Variants in FNDC3A observed in about 807,000 individuals in gnomAD.
FNDC3A encodes fibronectin type III domain containing 3A.
Under a neutral mutation model 148.9 loss-of-function variants are expected in FNDC3A, and 32 were observed. The observed-to-expected ratio is 0.21, with a 90% CI of 0.16 to 0.29. The LOEUF is 0.29. FNDC3A is among the 10% of genes least tolerant of loss of function. The pLI is 1.00. For missense variants in FNDC3A, 1,191 were observed against 1,452.8 expected, an observed-to-expected ratio of 0.82 and a Z score of 2.93; for synonymous variants, 472 against 473.6, an observed-to-expected ratio of 1.00 and a Z score of 0.04.
chr13:49,181,807 G>A (rs1490778271), intron 14 of FNDC3A, among the ~76,000 whole-genome samples: 1 of 151,780 alleles, frequency 6.6e-6, no homozygotes, highest in East Asian at 1.9e-4. Flanking sequence ...TTATTCTGAA[G>A]AAACAATAAG....
chr13:49,202,245 T>C (rs1886451583), intron 24 of FNDC3A, among the ~76,000 whole-genome samples: 1 of 152,202 alleles, frequency 6.6e-6, no homozygotes, highest in Non-Finnish European at 1.5e-5. Flanking sequence ...GCTGGTTTTC[T>C]AATGAGGTCA....
At chr13:49,161,684 C>G (rs541542718) in intron 8 of FNDC3A, among the ~76,000 whole-genome samples, 1 of 152,272 alleles carries the variant, frequency 6.6e-6, no homozygotes, top group East Asian at 1.9e-4. Flanking sequence ...TTAGTTGATG[C>G]AGTTTCTTCC....
intron 3 of FNDC3A, among the ~76,000 whole-genome samples, chr13:49,081,479 T>A (rs569073894): frequency 6.6e-6 from 1 of 152,362 alleles, no homozygotes; most frequent in Non-Finnish European, 1.5e-5. Flanking sequence ...TCAGTCAGAT[T>A]ATATTCAGTA....
rs1882371884 is a variant in FNDC3A at position 49,136,523 on chromosome 13, G to T, written c.682G>T (p.Gly228Cys). ...HNGLIKGQIA[G>C]GINTGSAKIK... The stretch of plus-strand genomic sequence containing the variant: ...TGGACTTATAAAAGGACAAATTGCT[G>T]GTGGTATAAACACAGGATCAGCAAA... The change falls in exon 6 of 26, where the codon GGT becomes TGT. Residue 228 changes from glycine (G) to cysteine (C), a missense_variant. Coordinates refer to ENST00000492622, the MANE Select transcript of FNDC3A (RefSeq NM_001079673.2). 6.2e-7 allele frequency: 1 copy of T among 1,613,930 alleles called. No individual in the cohort carries two copies. Among genetic ancestry groups the T allele is most frequent in the African/African-American group, 1.3e-5 (1 of 74,894 alleles).
At chr13:48,976,582 T>G (rs1056509547) in intron 1 of FNDC3A, 16 of 151,838 alleles carry the variant, frequency 1.1e-4, no homozygotes, top group African/African-American at 2.7e-4. Context: ...TCCGGAGGGC[T>G]CGGGGGCGGG....
At chr13:49,073,289 A>C (rs924211710) in intron 2 of FNDC3A, among the ~76,000 whole-genome samples, 2 of 152,204 alleles carry the variant, frequency 1.3e-5, no homozygotes, top group Non-Finnish European at 2.9e-5. Flanking sequence ...CAAATCATTA[A>C]AAACACTTAA....
chr13:49,028,653 C>G (rs1014030849), intron 2 of FNDC3A, among the ~76,000 whole-genome samples: 2 of 152,136 alleles, frequency 1.3e-5, no homozygotes, highest in African/African-American at 4.8e-5. Context: ...GACTTTAAGT[C>G]AGAAAAGTTA....
chr13:49,094,693 G>A (rs1008595850), intron 3 of FNDC3A, among the ~76,000 whole-genome samples: 1 of 151,976 alleles, frequency 6.6e-6, no homozygotes, highest in African/African-American at 2.4e-5. Flanking sequence ...GAGAAGTGTT[G>A]TGATTGAAAA....
In FNDC3A at chr13:49,208,823, G is replaced by T. The variant is rs1886769128; in HGVS notation, c.*1428G>T. 1 of 152,522 alleles carries T rather than the reference G, an allele frequency of 6.6e-6. No homozygotes were observed. The highest frequency in any genetic ancestry group is 1.5e-5 in the Non-Finnish European group (1 of 68,004). The allele number at this position is 152,522 out of a possible 1,614,324, so 9.4% of individuals were successfully genotyped here. A position where few individuals can be genotyped will look rare whatever the true frequency, so the allele number is the denominator to read the frequency against. ...GAATCACTAATTTTTAGTTGCTGAGGTTGGCATTTTAGTGATTATTAAGCA... is the reference window on the plus strand; with the variant it reads ...GAATCACTAATTTTTAGTTGCTGAGTTTGGCATTTTAGTGATTATTAAGCA... On this transcript the variant is annotated 3_prime_UTR_variant, in exon 26 of 26. Coordinates refer to ENST00000492622, the MANE Select transcript of FNDC3A (RefSeq NM_001079673.2).
chr13:48,985,270 C>T (rs1263659178), intron 1 of FNDC3A, among the ~76,000 whole-genome samples: 1 of 152,036 alleles, frequency 6.6e-6, no homozygotes, highest in Admixed American at 6.5e-5. Flanking sequence ...ATATAGGTAG[C>T]CTGTTAAGTT....
At chr13:49,002,924 C>T (rs1485397696) in intron 1 of FNDC3A, among the ~76,000 whole-genome samples, 1 of 152,098 alleles carries the variant, frequency 6.6e-6, no homozygotes, top group African/African-American at 2.4e-5. Flanking sequence ...ATAACTGGGT[C>T]CTAGAGGATG....
chr13:49,039,040 A>G (rs376782959), intron 2 of FNDC3A, among the ~76,000 whole-genome samples: 1 of 152,134 alleles, frequency 6.6e-6, no homozygotes, highest in Non-Finnish European at 1.5e-5. Context: ...TCTGGTGCAC[A>G]TCTTCTCATC....
chr13:49,069,618 C>T (rs895898188), intron 2 of FNDC3A, among the ~76,000 whole-genome samples: 3 of 152,192 alleles, frequency 2.0e-5, no homozygotes, highest in African/African-American at 7.2e-5. Flanking sequence ...AGGCATTGAA[C>T]ATACAAATGT....
intron 8 of FNDC3A, among the ~76,000 whole-genome samples, chr13:49,148,656 C>A (rs933235638): frequency 6.6e-6 from 1 of 152,110 alleles, no homozygotes; most frequent in African/African-American, 2.4e-5. Context: ...CAGCTTTGTT[C>A]TTTTTACTTA....
intron 4 of FNDC3A, among the ~76,000 whole-genome samples, chr13:49,128,250 T>A (rs903314308): frequency 7.2e-5 from 11 of 152,194 alleles, no homozygotes; most frequent in African/African-American, 2.7e-4. Flanking sequence ...TGGTCTTAGC[T>A]GTGATCATCT....
chr13:49,200,425 C>A (rs1003632536), intron 23 of FNDC3A, among the ~76,000 whole-genome samples: 2 of 152,192 alleles, frequency 1.3e-5, no homozygotes, highest in African/African-American at 4.8e-5. Flanking sequence ...ATCTTTGTAG[C>A]CTTATCTCTA....
At chr13:49,023,333 G>A (rs920410731) in intron 2 of FNDC3A, among the ~76,000 whole-genome samples, 2 of 151,616 alleles carry the variant, frequency 1.3e-5, no homozygotes, top group Non-Finnish European at 3.0e-5. Context: ...ATTTTATTTA[G>A]TTGAAAAATT....
At chr13:49,053,897 C>T (rs1209093611) in intron 2 of FNDC3A, among the ~76,000 whole-genome samples, 1 of 152,170 alleles carries the variant, frequency 6.6e-6, no homozygotes, top group African/African-American at 2.4e-5. Flanking sequence ...AGGGCCATTG[C>T]AAAATATGTC....
intron 3 of FNDC3A, among the ~76,000 whole-genome samples, chr13:49,104,539 A>C (rs990363338): frequency 1.3e-5 from 2 of 152,078 alleles, no homozygotes; most frequent in Non-Finnish European, 2.9e-5. Context: ...TCTCAAAAAG[A>C]AAAGAAAAAA....
Sources: gnomAD v4.1 joint callset for allele counts (sites outside exome capture counted in the v4.1 genomes callset) on GRCh38, gnomAD v4.1.1 for gene constraint, MANE v1.5 for transcripts, NCBI Gene and HGNC (gene_info 2026-07-23, HGNC 2026-07-21) for gene names.